Variants in ADGRV1 observed in about 807,000 individuals in gnomAD.
The protein encoded by ADGRV1 is adhesion G protein-coupled receptor V1, also known as G-protein coupled receptor 98.
In ADGRV1, 359 loss-of-function variants were observed where a neutral mutation model predicts 596.2. The ratio of observed to expected loss-of-function variants is 0.60; its 90% confidence interval spans 0.55 to 0.66. ADGRV1 has a LOEUF of 0.66. Ranked by LOEUF, ADGRV1 falls within the 30% of genes least tolerant of loss-of-function variation. ADGRV1 has a pLI of 0.00. For synonymous variants in ADGRV1, 2,681 were observed against 2,679.2 expected (o/e 1.00, Z -0.02); for missense variants, 7,274 against 7,575.6 (o/e 0.96, Z 1.48).
At chr5:90,975,864 A>T (rs944446915) in intron 84 of ADGRV1, among the ~76,000 whole-genome samples, 54 of 152,194 alleles carry the variant, frequency 3.5e-4, no homozygotes, top group South Asian at 1.5e-3. Context: ...AATAAAAAAA[A>T]AATAATAAGG....
rs762955065 is a variant in ADGRV1 at position 90,658,171 on chromosome 5, T to A, written c.4645T>A (p.Tyr1549Asn). The A allele has an allele frequency of 1.3e-6, 2 of 1,599,572 alleles. No individual in the cohort carries two copies. Among genetic ancestry groups the A allele is most frequent in the Non-Finnish European group, 8.5e-7 (1 of 1,170,840 alleles). The change falls in exon 21 of 90, where the codon TAT becomes AAT. Residue 1549 changes from tyrosine to asparagine, a missense_variant. Physicochemically the swap from Tyr to Asn is moderately radical, Grantham distance 143. Transcript: ENST00000405460. ...ATTCATTCTTAAACTAGTTTCTGTA[T>A]ATGGAGGAGCTCGTATTTCGGAAGA... is the stretch of plus-strand genomic sequence containing the variant. ...ELFILKLVSV[Y>N]GGARISEENT...
At chr5:91,042,559 A>G (rs1490262122) in intron 85 of ADGRV1, among the ~76,000 whole-genome samples, 1 of 152,036 alleles carries the variant, frequency 6.6e-6, no homozygotes, top group African/African-American at 2.4e-5. Context: ...ATTATACTTT[A>G]AGTTCTGGGA....
intron 83 of ADGRV1, among the ~76,000 whole-genome samples, chr5:90,920,600 C>G (rs534386409): frequency 6.6e-6 from 1 of 152,044 alleles, no homozygotes; most frequent in African/African-American, 2.4e-5. Context: ...ATAAACTAAC[C>G]CAATCAAAAA....
intron 65 of ADGRV1, 77 bp from the exon 66 acceptor site, chr5:90,783,047 C>A: frequency 8.7e-7 from 1 of 1,152,446 alleles, no homozygotes. Flanking sequence ...TGTTTAATTG[C>A]CAGGTTTAAT....
chr5:90,567,774 C>T (rs1320929800), intron 1 of ADGRV1, among the ~76,000 whole-genome samples: 2 of 150,780 alleles, frequency 1.3e-5, no homozygotes, highest in African/African-American at 2.4e-5. Context: ...TGGTCTGTTA[C>T]CCCGGCGGGA....
chr5:90,814,319 T>C (rs1762705734), intron 74 of ADGRV1, among the ~76,000 whole-genome samples: 1 of 152,210 alleles, frequency 6.6e-6, no homozygotes, highest in Non-Finnish European at 1.5e-5. Flanking sequence ...AGTTCTTCCC[T>C]ATCAGGACAG....
Position 90,691,024 on chromosome 5 carries a change from G to T in ADGRV1, c.6934G>T (p.Val2312Phe), listed in dbSNP as rs370383237. 1.2e-6 allele frequency: 2 copies of T among 1,613,592 alleles called. No homozygotes were observed. Among genetic ancestry groups the T allele is most frequent in the East Asian group, 4.5e-5 (2 of 44,854 alleles). The change falls in exon 31 of 90, where the codon GTT (valine) becomes TTT (phenylalanine). Residue 2312 changes from valine (V) to phenylalanine (F), a missense_variant. By Grantham distance (50) the Val-to-Phe change is conservative (BLOSUM62 -1). This residue lies in a region of ADGRV1 where 3,643 missense variants were observed against 3,809.2 expected (regional missense o/e 0.96). Transcript: ENST00000405460. ...GTTGTTAGAGGTCCTGGCTGACGAC[G>T]TTCCGGAGATTGAAGAGGTGAGAGG... Reference protein sequence around the residue: ...TLLLEVLADDVPEIEEVIQVQ... With the variant: ...TLLLEVLADDFPEIEEVIQVQ...
intron 85 of ADGRV1, among the ~76,000 whole-genome samples, chr5:91,044,191 A>T (rs544390843): frequency 1.3e-5 from 2 of 152,190 alleles, no homozygotes; most frequent in Non-Finnish European, 2.9e-5. Flanking sequence ...ATCTTGGTTT[A>T]GGCTGTGCTT....
At chr5:90,861,502 G>A (rs1431140983) in intron 82 of ADGRV1, among the ~76,000 whole-genome samples, 1 of 151,406 alleles carries the variant, frequency 6.6e-6, no homozygotes, top group African/African-American at 2.4e-5. Flanking sequence ...GTAGAGACAG[G>A]GTTTCACCGT....
chr5:90,579,964 G>T (rs1264148385), intron 1 of ADGRV1, among the ~76,000 whole-genome samples: 2 of 151,904 alleles, frequency 1.3e-5, no homozygotes, highest in African/African-American at 4.8e-5. Flanking sequence ...CATTTGCTTG[G>T]TAGATCTTCC....
At chr5:90,728,289 G>A (rs1752063121) in intron 48 of ADGRV1, among the ~76,000 whole-genome samples, 1 of 152,144 alleles carries the variant, frequency 6.6e-6, no homozygotes, top group Non-Finnish European at 1.5e-5. Flanking sequence ...TAATATTGCA[G>A]CATTAGAATG....
At chr5:91,098,749 AGCTCTGTCAGCACATACCACTCGCTTT>A (rs1791104422) in intron 86 of ADGRV1, among the ~76,000 whole-genome samples, 2 of 150,800 alleles carry the variant, frequency 1.3e-5, no homozygotes, top group Non-Finnish European at 2.9e-5. Context: ...TTCTCCACTA[AGCTCTGTCAGCACATACCACTCGCTTT>A]GCTCTAAGCA....
chr5:90,920,539 T>C (rs1168657239), intron 83 of ADGRV1, among the ~76,000 whole-genome samples: 1 of 152,198 alleles, frequency 6.6e-6, no homozygotes, highest in Non-Finnish European at 1.5e-5. Flanking sequence ...TTAAGAGTTA[T>C]TTCTAATATA....
At chr5:90,713,672 G>A (rs935106911) in intron 42 of ADGRV1, among the ~76,000 whole-genome samples, 2 of 152,032 alleles carry the variant, frequency 1.3e-5, no homozygotes, top group African/African-American at 4.8e-5. Context: ...CAAGGCTAAT[G>A]TTATTCATTG....
chr5:91,036,096 T>G (rs1274151213), intron 85 of ADGRV1, among the ~76,000 whole-genome samples: 1 of 127,346 alleles, frequency 7.9e-6, no homozygotes, highest in Non-Finnish European at 1.7e-5. Flanking sequence ...ACTAAATGAA[T>G]TCACAATATA....
intron 84 of ADGRV1, among the ~76,000 whole-genome samples, chr5:90,981,085 T>C (rs964408518): frequency 6.6e-6 from 1 of 152,122 alleles, no homozygotes; most frequent in African/African-American, 2.4e-5. Flanking sequence ...CCTGATAACA[T>C]GTACCCAAAG....
At chr5:90,789,343 C>T (rs1370177270) in intron 68 of ADGRV1, among the ~76,000 whole-genome samples, 1 of 152,108 alleles carries the variant, frequency 6.6e-6, no homozygotes, top group African/African-American at 2.4e-5. Flanking sequence ...TGCTTCACTC[C>T]ATGTATATCA....
At chr5:90,976,372 T>C (rs1347037672) in intron 84 of ADGRV1, among the ~76,000 whole-genome samples, 1 of 144,282 alleles carries the variant, frequency 6.9e-6, no homozygotes, top group Non-Finnish European at 1.5e-5. Context: ...ATGGACATCT[T>C]TAAGTTTACC....
rs1761815407 is a variant in ADGRV1, at chr5:90,805,464, T to C, written c.14836+6T>C. On this transcript the variant is annotated splice_donor_region_variant and intron_variant, in intron 72 of 89. Transcript: ENST00000405460. ...CAACATGACCCCAACACTGGGTGAGTTGTAGTTTTTCTAAGATGAGTCCTG... is the reference window on the plus strand; with the variant it reads ...CAACATGACCCCAACACTGGGTGAGCTGTAGTTTTTCTAAGATGAGTCCTG... 6.4e-7 allele frequency: 1 copy of C among 1,570,780 alleles called. No individual in the cohort carries two copies. The highest frequency in any genetic ancestry group is 8.7e-7 in the Non-Finnish European group (1 of 1,149,658).
Sources: allele counts gnomAD v4.1 joint callset (sites outside exome capture counted in the v4.1 genomes callset), GRCh38; gene constraint gnomAD v4.1.1; regional missense constraint gnomAD v4.1.1; transcripts MANE v1.5; gene names NCBI Gene and HGNC (gene_info 2026-07-23, HGNC 2026-07-21).